The following SYNE1 variants were observed in gnomAD, a reference collection of about 807,000 sequenced individuals.
The protein encoded by SYNE1 is nesprin-1.
In SYNE1, 616 loss-of-function variants were observed where a neutral mutation model predicts 1,111.0. That is an observed-to-expected ratio of 0.55 (90% confidence interval 0.52 to 0.59). The LOEUF (loss-of-function observed/expected upper bound fraction) is 0.59, where lower values mean the gene tolerates loss of function less well. Ranked by LOEUF, SYNE1 falls within the 20% of genes least tolerant of loss-of-function variation. SYNE1 has a pLI of 0.00. For synonymous variants in SYNE1, 3,855 were observed against 3,825.8 expected (o/e 1.01, Z -0.28); for missense variants, 10,006 against 10,417.0 (o/e 0.96, Z 1.72).
At chr6:152,186,556 CAAAAAAAAAAAAAAAAAAA>C (rs59187571) in intron 128 of SYNE1, among the ~76,000 whole-genome samples, 20 of 38,038 alleles carry the variant, frequency 5.3e-4, no homozygotes, top group African/African-American at 8.7e-4. Context: ...AGCTCTGTGT[CAAAAAAAAAAAAAAAAAAA>C]AAAAAAAAAA....
Position 152,379,340 on chromosome 6 carries a change from A to G in SYNE1, c.9009+1666T>C, listed in dbSNP as rs540620197. Among the ~76,000 whole-genome samples the G allele has an allele frequency of 1.7e-3, 255 of 152,222 alleles. 1 individual carries two copies. Among genetic ancestry groups the G allele is most frequent in the African/African-American group, 5.9e-3 (244 of 41,562 alleles). On this transcript the variant is annotated intron_variant, in intron 56 of 145. Coordinates refer to ENST00000367255, the MANE Select transcript of SYNE1 (RefSeq NM_182961.4). Reference sequence around the variant, plus strand: ...AATATCCCAAAGGATATTAAGATAAATGAGTTTCGCAAACATAGTAAATAG... The same window carrying G: ...AATATCCCAAAGGATATTAAGATAAGTGAGTTTCGCAAACATAGTAAATAG...
Position 152,225,678 on chromosome 6 carries a change from G to A in SYNE1, c.21351+43C>T, listed in dbSNP as rs76037467. ...CAAAACCCAGAGTTTGGACAGAGCT[G>A]GCAAACACGGTCCTGGAGCTGGCTT... On this transcript the variant is annotated intron_variant, in intron 116 of 145. Transcript: ENST00000367255. 2,329 of 1,613,450 alleles carry A rather than the reference G, an allele frequency of 1.4e-3. 28 individuals carry two copies. In the African/African-American group the frequency reaches 0.026, roughly 18 times the overall value.
chr6:152,617,786 T>C (rs2099662839), intron 3 of SYNE1, among the ~76,000 whole-genome samples: 1 of 152,132 alleles, frequency 6.6e-6, no homozygotes, highest in Non-Finnish European at 1.5e-5. Context: ...CTGGTGGTAT[T>C]AGGAAAGGCT....
Position 152,354,896 on chromosome 6 carries a change from A to C in SYNE1, c.10689T>G (p.Gly3563=), listed in dbSNP as rs769630911. 6.8e-6 allele frequency: 11 copies of C among 1,614,060 alleles called. No homozygotes were observed. The highest frequency in any genetic ancestry group is 9.3e-6 in the Non-Finnish European group (11 of 1,180,018). ...LHTREDVIPS[G]IPQAEDRALE... is the part of the protein sequence containing the mutation. Reference sequence around the variant, plus strand: ...AAGCCCGGTCCTCTGCCTGTGGGATACCTGATGGGATCACATCCTCTCTGG... The same window carrying C: ...AAGCCCGGTCCTCTGCCTGTGGGATCCCTGATGGGATCACATCCTCTCTGG... The change falls in exon 67 of 146, where the codon GGT becomes GGG. Residue 3563 remains glycine (G), a synonymous_variant. Coordinates refer to ENST00000367255, the MANE Select transcript of SYNE1 (RefSeq NM_182961.4).
chr6:152,322,465 A>AT (rs200469812), intron 82 of SYNE1, among the ~76,000 whole-genome samples: 2 of 152,070 alleles, frequency 1.3e-5, no homozygotes, highest in African/African-American at 2.4e-5. Flanking sequence ...ATCAATGAAT[A>AT]TTTTTTTCTC....
intron 2 of SYNE1, among the ~76,000 whole-genome samples, chr6:152,629,547 G>GGGGGGGGGGGGGGGGGGGGGGGT (rs2099694063): frequency 9.5e-6 from 1 of 105,510 alleles, no homozygotes. Context: ...GAGGGGGAGG[G>GGGGGGGGGGGGGGGGGGGGGGGT]GAGGAGGGGG....
intron 140 of SYNE1, among the ~76,000 whole-genome samples, chr6:152,139,706 G>GAAAGA (rs2058014583): frequency 2.1e-5 from 1 of 47,740 alleles, no homozygotes. Flanking sequence ...AAGAGAAAAA[G>GAAAGA]AAAAGAAAGA....
intron 50 of SYNE1, among the ~76,000 whole-genome samples, chr6:152,396,168 G>C (rs2097728229): frequency 6.6e-6 from 1 of 152,214 alleles, no homozygotes; most frequent in South Asian, 2.1e-4. Context: ...AGGGAAAGTG[G>C]CCTCTGTGTC....
intron 128 of SYNE1, 147 bp from the exon 129 acceptor site, chr6:152,180,441 AT>A (rs2067675221): frequency 6.5e-6 from 5 of 771,458 alleles, no homozygotes; most frequent in African/African-American, 5.3e-5. Context: ...AGGATTTGCT[AT>A]TATAAAGTGG....
At chr6:152,201,978 A>T (rs1483066194) in intron 126 of SYNE1, 29 bp from the exon 127 acceptor site, 7 of 1,612,906 alleles carry the variant, frequency 4.3e-6, no homozygotes, top group Non-Finnish European at 5.9e-6. Flanking sequence ...CAAATAGCAT[A>T]GATGTTTTTG....
At chr6:152,502,258 A>C (rs531876636) in intron 10 of SYNE1, among the ~76,000 whole-genome samples, 11 of 152,236 alleles carry the variant, frequency 7.2e-5, no homozygotes, top group Non-Finnish European at 1.3e-4. Context: ...AAAAGTCAAA[A>C]TTAGATTTGA....
intron 83 of SYNE1, 71 bp downstream of exon 83, chr6:152,321,650 T>C (rs2095870943): frequency 1.3e-6 from 2 of 1,571,810 alleles, no homozygotes. Context: ...TACAAACAAG[T>C]ATGTTCAACT....
chr6:152,186,052 T>C (rs1447365836), intron 128 of SYNE1, among the ~76,000 whole-genome samples: 1 of 152,204 alleles, frequency 6.6e-6, no homozygotes, highest in East Asian at 1.9e-4. Flanking sequence ...CTCTAGACAC[T>C]GAAGATGCAA....
At position 152,125,291 on chromosome 6, in the gene SYNE1, G is replaced by C. The variant is rs572679653; in HGVS notation, c.26154-2615C>G. ...GTATCTCACATGTAGAAGCAAAGAA[G>C]AGAATCCTGAACTTGCATCCTAAAA... On this transcript the variant is annotated intron_variant, in intron 145 of 145. Coordinates refer to ENST00000367255, the MANE Select transcript of SYNE1 (RefSeq NM_182961.4). The C allele has an allele frequency of 9.0e-5, 139 of 1,550,452 alleles. 1 individual carries two copies. In the East Asian group the frequency reaches 3.3e-3, roughly 37 times the overall value.
intron 58 of SYNE1, among the ~76,000 whole-genome samples, chr6:152,375,609 C>T (rs2097266018): frequency 6.6e-6 from 1 of 152,232 alleles, no homozygotes; most frequent in South Asian, 2.1e-4. Context: ...AAAATAAACC[C>T]AAATGAACAA....
In SYNE1 at chr6:152,225,809, A is replaced by C. The variant is rs2081448086; in HGVS notation, c.21263T>G (p.Leu7088Trp). The C allele has an allele frequency of 6.2e-7, 1 of 1,614,042 alleles. No individual in the cohort carries two copies. The highest frequency in any genetic ancestry group is 8.5e-7 in the Non-Finnish European group (1 of 1,180,010). ...VEKIEQNGLA[L>W]IQNKKEDVSS... ...GACGTCTTCTTTCTTGTTCTGAATCAAAGCAAGTCCATTCTGCTCAATTTT... is the reference window on the plus strand; with the variant it reads ...GACGTCTTCTTTCTTGTTCTGAATCCAAGCAAGTCCATTCTGCTCAATTTT... The change falls in exon 116 of 146, where the codon TTG becomes TGG. Residue 7088 changes from leucine to tryptophan, a missense_variant. Coordinates refer to ENST00000367255, the MANE Select transcript of SYNE1 (RefSeq NM_182961.4).
In SYNE1 at chr6:152,141,311, A is replaced by G. The variant is rs1296692822; in HGVS notation, c.25138T>C (p.Cys8380Arg). Residue 8380 changes from cysteine to arginine, a missense_variant, in exon 139 of 146, where the codon TGC becomes CGC. Physicochemically the swap from Cys to Arg is radical, Grantham distance 180 (BLOSUM62 -3). Around this residue, in one of 7 missense-constraint regions of SYNE1, gnomAD observed 761 missense variants for 795.5 expected, o/e 0.96. Coordinates refer to ENST00000367255, the MANE Select transcript of SYNE1 (RefSeq NM_182961.4). ...YKGYMKLLGE[C>R]SSSIDSVKRL... ...TTCACGGAGTCTATACTGCTACTGC[A>G]TTCGCCCAGCAGTTTCATCTGTTTA... is the stretch of plus-strand genomic sequence containing the variant. The G allele has an allele frequency of 3.1e-6, 5 of 1,614,116 alleles. No individual in the cohort carries two copies. Among genetic ancestry groups the G allele is most frequent in the Non-Finnish European group, 3.4e-6 (4 of 1,180,008 alleles).
chr6:152,172,312 T>A (rs2153097317), intron 130 of SYNE1, among the ~76,000 whole-genome samples: 1 of 152,252 alleles, frequency 6.6e-6, no homozygotes, highest in African/African-American at 2.4e-5. Context: ...ATTACATGCT[T>A]TAGATAGATG....
intron 74 of SYNE1, among the ~76,000 whole-genome samples, chr6:152,341,750 CA>C (rs1183697278): frequency 2.0e-5 from 3 of 152,134 alleles, no homozygotes; most frequent in African/African-American, 7.2e-5. Context: ...ATGTCGTCAG[CA>C]GATTCTTGGA....
Sources: allele counts gnomAD v4.1 joint callset (sites outside exome capture counted in the v4.1 genomes callset), GRCh38; gene constraint gnomAD v4.1.1; regional missense constraint gnomAD v4.1.1; transcripts MANE v1.5; gene names NCBI Gene and HGNC (gene_info 2026-07-23, HGNC 2026-07-21).